SYNE2: variants seen among roughly 807,000 people sequenced by gnomAD.
SYNE2 encodes nesprin-2.
SYNE2 carries 431 observed loss-of-function variants against 856.3 expected under a neutral mutation model. The ratio of observed to expected loss-of-function variants is 0.50; its 90% CI spans 0.47 to 0.55. SYNE2 has a LOEUF of 0.55. SYNE2 is among the 20% of genes least tolerant of loss of function. The pLI is 0.00. For synonymous variants in SYNE2, 2,923 were observed against 2,872.3 expected (o/e 1.02, Z -0.56); for missense variants, 8,129 against 8,023.2 (o/e 1.01, Z -0.50).
intron 1 of SYNE2, among the ~76,000 whole-genome samples, chr14:63,853,564 C>T (rs1468479691): frequency 6.6e-6 from 1 of 151,718 alleles, no homozygotes; most frequent in Non-Finnish European, 1.5e-5. Flanking sequence ...TGTTTTCATT[C>T]CTCGCGTCAC....
At chr14:64,202,764 T>C in intron 99 of SYNE2, 37 bp from the exon 100 acceptor site, 1 of 1,613,886 alleles carries the variant, frequency 6.2e-7, no homozygotes, top group Non-Finnish European at 8.5e-7. Flanking sequence ...CACTGGTTTT[T>C]TTTTGTTTCG....
In SYNE2 at chr14:64,152,318, G is replaced by A. The variant is rs3866740; in HGVS notation, c.15640-246G>A. 0.38 allele frequency among the ~76,000 whole-genome samples: 57,469 copies of A among 151,998 alleles called. 11,164 individuals carry two copies. Among genetic ancestry groups the A allele is most frequent in the East Asian group, 0.5 (2,601 of 5,156 alleles). ...AGACGTGGAATGGGGACCAGATCTC[G>A]GACCAGCATCCTTTCTGCTCTGCCA... On this transcript the variant is annotated intron_variant, in intron 84 of 115. Transcript: ENST00000555002.
intron 1 of SYNE2, among the ~76,000 whole-genome samples, chr14:63,795,325 C>T (rs573491531): frequency 2.5e-4 from 38 of 152,006 alleles, no homozygotes; most frequent in Non-Finnish European, 3.5e-4. Flanking sequence ...AGACTGGCCT[C>T]GCCTCCCAGC....
chr14:63,876,948 A>T (rs67011590), intron 1 of SYNE2, among the ~76,000 whole-genome samples: 67,925 of 152,012 alleles, frequency 0.45, 15,978 homozygotes, highest in South Asian at 0.55. Context: ...CAGACCTGTT[A>T]TTGAGGATTA....
intron 45 of SYNE2, among the ~76,000 whole-genome samples, chr14:64,033,897 AG>A (rs762159736): frequency 2.6e-5 from 4 of 152,174 alleles, no homozygotes; most frequent in Non-Finnish European, 5.9e-5. Context: ...TTTATTCTCT[AG>A]CAACATTTTG....
intron 1 of SYNE2, among the ~76,000 whole-genome samples, chr14:63,864,037 T>C (rs1440089268): frequency 6.6e-6 from 1 of 152,146 alleles, no homozygotes; most frequent in Non-Finnish European, 1.5e-5. Context: ...GGTCTCGAAC[T>C]CCTGACCTCA....
Position 64,216,324 on chromosome 14 carries a change from G to A in SYNE2, c.19479G>A (p.Met6493Ile). The change falls in exon 108 of 116, where the codon ATG becomes ATA. Residue 6493 changes from methionine to isoleucine, a missense_variant. Around this residue, in one of 3 missense-constraint regions of SYNE2, gnomAD observed 5,410 missense variants for 5,284.8 expected, o/e 1.02. Coordinates refer to ENST00000555002, the MANE Select transcript of SYNE2 (RefSeq NM_182914.3). ...PSCPEHHYKQ[M>I]EGDRNVPPVP... ...GTCCCGAGCATCACTACAAGCAAAT[G>A]GAAGGTGACAGGAATGTTCCACCTG... 6.2e-7 allele frequency: 1 copy of A among 1,614,202 alleles called. No homozygotes were observed. The highest frequency in any genetic ancestry group is 8.5e-7 in the Non-Finnish European group (1 of 1,180,040).
At chr14:63,851,362 A>G (rs1320328151), upstream of SYNE2, among the ~76,000 whole-genome samples, 1 of 152,214 alleles carries the variant, frequency 6.6e-6, no homozygotes, top group Middle Eastern at 3.2e-3. Context: ...CTCTGTCTCA[A>G]AAAACAAACG....
intron 84 of SYNE2, among the ~76,000 whole-genome samples, chr14:64,147,562 A>C (rs1303942592): frequency 2.0e-5 from 3 of 152,222 alleles, no homozygotes; most frequent in African/African-American, 7.2e-5. Flanking sequence ...GAAATGGATT[A>C]AGTTTAGCTA....
intron 66 of SYNE2, among the ~76,000 whole-genome samples, chr14:64,118,321 A>G (rs911436637): frequency 6.6e-6 from 1 of 152,166 alleles, no homozygotes; most frequent in Non-Finnish European, 1.5e-5. Context: ...GCAGGAATAC[A>G]ATGACCGAGA....
chr14:64,141,240 A>G, intron 80 of SYNE2, 101 bp from the exon 81 acceptor site: 1 of 918,322 alleles, frequency 1.1e-6, no homozygotes, highest in Non-Finnish European at 1.7e-6. Flanking sequence ...ACACATTCGT[A>G]TATTTACTAT....
chr14:64,199,277 G>A (rs996421815), intron 99 of SYNE2, among the ~76,000 whole-genome samples: 26 of 152,176 alleles, frequency 1.7e-4, no homozygotes, highest in African/African-American at 5.8e-4. Flanking sequence ...TATGTGAGAG[G>A]ATGGGTAGTG....
intron 99 of SYNE2, among the ~76,000 whole-genome samples, chr14:64,201,973 A>G (rs1271016306): frequency 6.6e-6 from 1 of 152,186 alleles, no homozygotes; most frequent in Non-Finnish European, 1.5e-5. Context: ...ATTTTAGTAT[A>G]TATGTCAGAA....
intron 18 of SYNE2, among the ~76,000 whole-genome samples, chr14:63,984,826 G>T (rs1175163405): frequency 6.6e-6 from 1 of 152,058 alleles, no homozygotes; most frequent in South Asian, 2.1e-4. Context: ...CTGAATTTTT[G>T]CAGTGTGCTT....
chr14:63,961,344 C>G (rs906661308), intron 8 of SYNE2, among the ~76,000 whole-genome samples, 181 bp from the exon 9 acceptor site: 1 of 152,230 alleles, frequency 6.6e-6, no homozygotes, highest in Admixed American at 6.5e-5. Context: ...GATCTAAACT[C>G]TTAGCCACTG....
At chr14:64,071,443 G>A (rs529460100) in intron 52 of SYNE2, among the ~76,000 whole-genome samples, 1 of 152,160 alleles carries the variant, frequency 6.6e-6, no homozygotes, top group East Asian at 1.9e-4. Flanking sequence ...GCAGTGAGCC[G>A]AGATCGCGCC....
At chr14:63,816,036 C>A (rs1888974473) in intron 1 of SYNE2, among the ~76,000 whole-genome samples, 1 of 149,964 alleles carries the variant, frequency 6.7e-6, no homozygotes, top group African/African-American at 2.5e-5. Flanking sequence ...GCAACCTCTG[C>A]CTCCTGGGTT....
At chr14:63,877,349 G>A (rs1397849889) in intron 1 of SYNE2, among the ~76,000 whole-genome samples, 1 of 152,136 alleles carries the variant, frequency 6.6e-6, no homozygotes, top group Admixed American at 6.6e-5. Context: ...TTCTAAGTTT[G>A]TTACCACTCA....
intron 1 of SYNE2, among the ~76,000 whole-genome samples, chr14:63,827,494 G>T (rs1481263121): frequency 6.6e-6 from 1 of 150,386 alleles, no homozygotes; most frequent in African/African-American, 2.4e-5. Context: ...GTGTGGTGGC[G>T]CATGCCTGTA....
Sources: gnomAD v4.1 joint callset for allele counts (sites outside exome capture counted in the v4.1 genomes callset) on GRCh38, gnomAD v4.1.1 for gene constraint, gnomAD v4.1.1 regional missense constraint, MANE v1.5 for transcripts, NCBI Gene and HGNC (gene_info 2026-07-23, HGNC 2026-07-21) for gene names.